The following MAPK10 variants were observed in gnomAD, a reference collection of about 807,000 sequenced individuals.
MAPK10 encodes JNK3 alpha protein kinase.
MAPK10 carries 25 observed loss-of-function variants against 59.3 expected under a neutral mutation model. The observed-to-expected ratio is 0.42, with a 90% confidence interval of 0.31 to 0.59. The LOEUF (loss-of-function observed/expected upper bound fraction) is 0.59. MAPK10 is among the 20% of genes least tolerant of loss of function. The probability of loss-of-function intolerance (pLI) is 0.15; values close to 1 mark genes in which losing one functional copy is unlikely to be tolerated. For missense variants in MAPK10, 351 were observed against 568.9 expected, an observed-to-expected ratio of 0.62 and a Z score of 3.90; for synonymous variants, 190 against 200.5, an observed-to-expected ratio of 0.95 and a Z score of 0.44.
At chr4:86,155,964 G>A (rs1581467509) in intron 4 of MAPK10, among the ~76,000 whole-genome samples, 1 of 152,112 alleles carries the variant, frequency 6.6e-6, no homozygotes, top group South Asian at 2.1e-4. Context: ...GCCTGGATAT[G>A]CTACACAAAG....
At chr4:86,312,695 C>T (rs764963176) in intron 2 of MAPK10, among the ~76,000 whole-genome samples, 63 of 152,124 alleles carry the variant, frequency 4.1e-4, no homozygotes, top group Non-Finnish European at 7.5e-4. Flanking sequence ...TACAGTGGTT[C>T]CTGGTTTAGC....
At chr4:86,583,298 C>T (rs907588662) in intron 1 of MAPK10, among the ~76,000 whole-genome samples, 1 of 152,134 alleles carries the variant, frequency 6.6e-6, no homozygotes, top group Non-Finnish European at 1.5e-5. Context: ...GCTGGGATTA[C>T]AGGCGTGAGT....
chr4:86,540,726 GAA>G (rs956615982), intron 1 of MAPK10, among the ~76,000 whole-genome samples: 12 of 151,938 alleles, frequency 7.9e-5, no homozygotes, highest in Non-Finnish European at 1.6e-4. Context: ...GAGAAAGAGG[GAA>G]AAAAGAGAAG....
At chr4:86,184,043 C>G (rs1220058165) in intron 3 of MAPK10, among the ~76,000 whole-genome samples, 1 of 152,104 alleles carries the variant, frequency 6.6e-6, no homozygotes, top group Non-Finnish European at 1.5e-5. Flanking sequence ...GATATTAGCC[C>G]TTTGTCAGAT....
intron 1 of MAPK10, among the ~76,000 whole-genome samples, chr4:86,573,525 G>A (rs186381622): frequency 6.6e-6 from 1 of 152,142 alleles, no homozygotes; most frequent in African/African-American, 2.4e-5. Context: ...TCAGACAGTG[G>A]GAGGCCTTTC....
chr4:86,491,799 A>G (rs1262858164), intron 1 of MAPK10, among the ~76,000 whole-genome samples: 1 of 152,186 alleles, frequency 6.6e-6, no homozygotes, highest in Non-Finnish European at 1.5e-5. Flanking sequence ...AAGCATATAC[A>G]AGTATTTTTA....
chr4:86,309,091 C>T (rs2095622700), intron 2 of MAPK10, among the ~76,000 whole-genome samples: 1 of 152,080 alleles, frequency 6.6e-6, no homozygotes, highest in African/African-American at 2.4e-5. Context: ...AAAAATAAAT[C>T]ATTTTAAATT....
intron 2 of MAPK10, among the ~76,000 whole-genome samples, chr4:86,267,838 C>T (rs1426215499): frequency 6.6e-6 from 1 of 152,122 alleles, no homozygotes; most frequent in Admixed American, 6.5e-5. Flanking sequence ...CTTCAGCACT[C>T]TCCCTTCCTC....
At chr4:86,579,345 A>G (rs976135256) in intron 1 of MAPK10, among the ~76,000 whole-genome samples, 3 of 152,144 alleles carry the variant, frequency 2.0e-5, no homozygotes, top group African/African-American at 7.2e-5. Context: ...CTGACTAGGT[A>G]ATTTCACATG....
intron 2 of MAPK10, among the ~76,000 whole-genome samples, chr4:86,313,568 C>T (rs1449892599): frequency 6.6e-6 from 1 of 152,078 alleles, no homozygotes; most frequent in East Asian, 1.9e-4. Context: ...AGAATAAGCA[C>T]TTCACAAAGG....
chr4:86,505,446 A>G (rs1441602341), intron 1 of MAPK10, among the ~76,000 whole-genome samples: 1 of 152,106 alleles, frequency 6.6e-6, no homozygotes, highest in East Asian at 1.9e-4. Context: ...CCTCATCTCT[A>G]CTAAAAATTT....
upstream of MAPK10, among the ~76,000 whole-genome samples, chr4:86,361,885 C>T (rs371734256): frequency 8.6e-5 from 13 of 151,874 alleles, no homozygotes; most frequent in South Asian, 2.1e-4. Context: ...GGCTGGAGGA[C>T]GGAAAGGTGG....
At chr4:86,264,888 C>CT (rs397879051) in intron 2 of MAPK10, among the ~76,000 whole-genome samples, 6,289 of 95,298 alleles carry the variant, frequency 0.066, 380 homozygotes, top group South Asian at 0.092. Flanking sequence ...TGGCCCTGGA[C>CT]TTTTTTTTTT....
At chr4:86,241,446 C>T (rs370819296) in intron 2 of MAPK10, among the ~76,000 whole-genome samples, 9 of 152,118 alleles carry the variant, frequency 5.9e-5, no homozygotes, top group African/African-American at 1.7e-4. Flanking sequence ...CCATTCTCCC[C>T]GTCTCCTTCT....
At chr4:86,093,168 C>T (rs371437891) in intron 9 of MAPK10, among the ~76,000 whole-genome samples, 2 of 152,028 alleles carry the variant, frequency 1.3e-5, no homozygotes, top group African/African-American at 4.8e-5. Context: ...CACACTCCAT[C>T]TAATAGCTTA....
rs186728889 is a variant in MAPK10 at position 86,261,628 on chromosome 4, T to A, written c.-6-67221A>T. On this transcript the variant is annotated intron_variant, in intron 2 of 13. Coordinates refer to ENST00000641462, the MANE Select transcript of MAPK10 (RefSeq NM_138982.4). The stretch of plus-strand genomic sequence containing the variant: ...GGTAAAAATAAACTGATTGGCTAAT[T>A]GTATGTGGAGTGAGAAAAATTATAA... Among the ~76,000 whole-genome samples, 778 of 152,324 alleles carry A rather than the reference T, an allele frequency of 5.1e-3. 4 individuals are homozygous for A. The highest frequency in any genetic ancestry group is 0.01 in the Admixed American group (159 of 15,298).
chr4:86,092,639 T>A (rs1344329487), intron 9 of MAPK10, among the ~76,000 whole-genome samples: 1 of 150,084 alleles, frequency 6.7e-6, no homozygotes, highest in Non-Finnish European at 1.5e-5. Flanking sequence ...ATATATATAT[T>A]GCTAATGAAG....
At chr4:86,289,712 T>C (rs1041928405) in intron 2 of MAPK10, among the ~76,000 whole-genome samples, 1 of 151,502 alleles carries the variant, frequency 6.6e-6, no homozygotes, top group Non-Finnish European at 1.5e-5. Flanking sequence ...TATCTATTGG[T>C]CTTTAGTTTT....
chr4:86,216,602 C>T (rs1016465952), intron 2 of MAPK10, among the ~76,000 whole-genome samples: 80 of 151,388 alleles, frequency 5.3e-4, no homozygotes, highest in African/African-American at 1.9e-3. Context: ...AAGATTAATC[C>T]CTAATAATGT....
Sources: gnomAD v4.1 joint callset for allele counts (sites outside exome capture counted in the v4.1 genomes callset) on GRCh38, gnomAD v4.1.1 for gene constraint, MANE v1.5 for transcripts, NCBI Gene and HGNC (gene_info 2026-07-23, HGNC 2026-07-21) for gene names.